The following ATP5MG variants were observed in gnomAD, a reference collection of about 807,000 sequenced individuals.
ATP5MG encodes ATP synthase membrane subunit g, also known as ATP synthase F(0) complex subunit g, mitochondrial.
ATP5MG carries 7 observed loss-of-function variants against 12.7 expected under a neutral mutation model. The ratio of observed to expected loss-of-function variants is 0.55; its 90% CI spans 0.31 to 1.04. ATP5MG has a LOEUF of 1.04. Among genes scored for constraint, ATP5MG ranks in the 50% least tolerant of loss-of-function variants. ATP5MG has a pLI of 0.05. For synonymous variants in ATP5MG, 53 were observed against 48.2 expected, an observed-to-expected ratio of 1.10 and a Z score of -0.41; for missense variants, 116 against 126.7, an observed-to-expected ratio of 0.92 and a Z score of 0.41.
At chr11:118,402,185 T>C (rs1357528155) in intron 1 of ATP5MG, among the ~76,000 whole-genome samples, 1 of 152,230 alleles carries the variant, frequency 6.6e-6, no homozygotes. Context: ...TGAGCTTTTT[T>C]GAACGTTGAC....
rs184499703 is a variant in ATP5MG, at chr11:118,401,647, G to T, written c.-19G>T. 1.2e-6 allele frequency: 2 copies of T among 1,614,078 alleles called. No homozygotes were observed. The highest frequency in any genetic ancestry group is 2.2e-5 in the East Asian group (1 of 44,886). On this transcript the variant is annotated 5_prime_UTR_variant, in exon 1 of 3. Transcript: ENST00000300688. Reference sequence around the variant, plus strand: ...ATTCAGCCGGCGGTTCGGGGCGACGGACTCTCCATTCCAGAACCATGGCCC... The same window carrying T: ...ATTCAGCCGGCGGTTCGGGGCGACGTACTCTCCATTCCAGAACCATGGCCC...
chr11:118,405,659 A>G, intron 1 of ATP5MG: 1 of 985,144 alleles, frequency 1.0e-6, no homozygotes, highest in Middle Eastern at 5.2e-4. Context: ...TCTTTCAGGC[A>G]TTGGCAGTTC....
chr11:118,407,074 A>G lies in ATP5MG; in HGVS notation c.190A>G (p.Ser64Gly). 6.2e-7 allele frequency: 1 copy of G among 1,614,156 alleles called. No homozygotes were observed. The highest frequency in any genetic ancestry group is 8.5e-7 in the Non-Finnish European group (1 of 1,180,030). ...AATAGTCAATAGTGCTCAGACTGGT[A>G]GCTTCAAACAGCTCACAGTTAAGGT... is the stretch of plus-strand genomic sequence containing the variant. ...KKIVNSAQTG[S>G]FKQLTVKEAV... Residue 64 changes from serine (S) to glycine (G), a missense_variant, in exon 2 of 3, where the codon AGC becomes GGC. Transcript: ENST00000300688.
chr11:118,404,793 G>T (rs1591316933), intron 1 of ATP5MG, among the ~76,000 whole-genome samples: 1 of 152,200 alleles, frequency 6.6e-6, no homozygotes, highest in Non-Finnish European at 1.5e-5. Context: ...ACAGTGGGGG[G>T]ATTCCATCCC....
chr11:118,407,325 C>A (rs1948981512), intron 2 of ATP5MG: 1 of 599,172 alleles, frequency 1.7e-6, no homozygotes, highest in Non-Finnish European at 2.6e-6. Flanking sequence ...TTAAACCTAG[C>A]AAAAAAGTGA....
At chr11:118,406,803 G>A (rs1210549887) in intron 1 of ATP5MG, 134 bp from the exon 2 acceptor site, 11 of 1,337,012 alleles carry the variant, frequency 8.2e-6, no homozygotes, top group African/African-American at 2.9e-5. Context: ...TTTTCACACC[G>A]GGTGCACATT....
chr11:118,405,155 G>A (rs1948961981), intron 1 of ATP5MG, among the ~76,000 whole-genome samples: 1 of 152,128 alleles, frequency 6.6e-6, no homozygotes, highest in Non-Finnish European at 1.5e-5. Flanking sequence ...TGCTGTTTAT[G>A]TTCCTTGCTA....
At chr11:118,402,195 C>A (rs1948933822) in intron 1 of ATP5MG, among the ~76,000 whole-genome samples, 1 of 152,116 alleles carries the variant, frequency 6.6e-6, no homozygotes. Flanking sequence ...TGAACGTTGA[C>A]TTTGCTTTCT....
At position 118,407,080 on chromosome 11, in the gene ATP5MG, A is replaced by G. The variant is rs1948979238; in HGVS notation, c.196A>G (p.Lys66Glu). 1.2e-6 allele frequency: 2 copies of G among 1,614,028 alleles called. No homozygotes were observed. Among genetic ancestry groups the G allele is most frequent in the Non-Finnish European group, 1.7e-6 (2 of 1,180,030 alleles). ...CAATAGTGCTCAGACTGGTAGCTTC[A>G]AACAGCTCACAGTTAAGGTAACCAC... The part of the protein sequence containing the change: ...IVNSAQTGSF[K>E]QLTVKEAVLN... The change falls in exon 2 of 3, where the codon AAA becomes GAA. Residue 66 changes from lysine to glutamate, a missense_variant. Transcript: ENST00000300688.
chr11:118,404,699 A>C (rs1289608843), intron 1 of ATP5MG, among the ~76,000 whole-genome samples: 1 of 152,206 alleles, frequency 6.6e-6, no homozygotes, highest in Non-Finnish European at 1.5e-5. Context: ...AGGTTCCTCT[A>C]CTGTAAAGTT....
intron 1 of ATP5MG, chr11:118,404,024 C>G (rs74962777): frequency 2.0e-5 from 3 of 152,068 alleles, no homozygotes; most frequent in Non-Finnish European, 2.9e-5. Context: ...ATGAACCCTT[C>G]CCTCCGTTGT....
rs1417996117 is a variant in ATP5MG at position 118,409,847 on chromosome 11, A to C, written c.*749A>C. 5 of 152,208 alleles carry C rather than the reference A, an allele frequency of 3.3e-5. No individual in the cohort carries two copies. The highest frequency in any genetic ancestry group is 5.9e-5 in the Non-Finnish European group (4 of 68,042). The allele number at this position is 152,208 out of a possible 1,614,324, so 9.4% of individuals were successfully genotyped here. A position where few individuals can be genotyped will look rare whatever the true frequency, so the allele number is the denominator to read the frequency against. On this transcript the variant is annotated 3_prime_UTR_variant, in exon 3 of 3. Transcript: ENST00000300688. Reference sequence around the variant, plus strand: ...CTGAAATAAATGAAATGATTGCTATAGTCTGTCTTCTGGAGCGATTTTATT... The same window carrying C: ...CTGAAATAAATGAAATGATTGCTATCGTCTGTCTTCTGGAGCGATTTTATT...
At chr11:118,407,944 C>T (rs1555132400) in intron 2 of ATP5MG, among the ~76,000 whole-genome samples, 3 of 152,084 alleles carry the variant, frequency 2.0e-5, no homozygotes, top group Admixed American at 6.6e-5. Flanking sequence ...GGGCAGATCA[C>T]GAGGTCAGGA....
At chr11:118,407,589 A>G (rs1231223473) in intron 2 of ATP5MG, 1 of 159,584 alleles carries the variant, frequency 6.3e-6, no homozygotes, top group Non-Finnish European at 1.4e-5. Context: ...ACTTGCAGCC[A>G]TACGCAGTCA....
Position 118,406,984 on chromosome 11 carries a change from G to C in ATP5MG, c.100G>C (p.Ala34Pro), listed in dbSNP as rs533476820. 2 of 1,613,350 alleles carry C rather than the reference G, an allele frequency of 1.2e-6. No individual in the cohort carries two copies. The highest frequency in any genetic ancestry group is 1.7e-5 in the Admixed American group (1 of 59,950). ...TCGATTGGCCACATTTTGGTACTAC[G>C]CCAAGGTTGAGCTGGTTCCTCCCAC... is the stretch of plus-strand genomic sequence containing the variant. The part of the protein sequence containing the change: ...KPRLATFWYY[A>P]KVELVPPTPA... Residue 34 changes from alanine (A) to proline (P), a missense_variant, in exon 2 of 3, where the codon GCC becomes CCC. Coordinates refer to ENST00000300688, the MANE Select transcript of ATP5MG (RefSeq NM_006476.5).
At chr11:118,404,033 G>A (rs1555131693) in intron 1 of ATP5MG, 3 of 152,132 alleles carry the variant, frequency 2.0e-5, no homozygotes, top group Non-Finnish European at 4.4e-5. Flanking sequence ...TCCCTCCGTT[G>A]TAAATAATTG....
chr11:118,407,794 C>G (rs1405342577), intron 2 of ATP5MG, among the ~76,000 whole-genome samples: 1 of 152,010 alleles, frequency 6.6e-6, no homozygotes, highest in South Asian at 2.1e-4. Context: ...ATCGCTTGAG[C>G]CCAGGAGTTA....
At position 118,409,085 on chromosome 11, in the gene ATP5MG, G is replaced by T; in HGVS notation, c.299G>T (p.Gly100Val). 1.2e-6 allele frequency: 2 copies of T among 1,606,784 alleles called. No individual in the cohort carries two copies. Among genetic ancestry groups the T allele is most frequent in the Non-Finnish European group, 1.7e-6 (2 of 1,176,102 alleles). Residue 100 changes from glycine (G) to valine (V), a missense_variant, in exon 3 of 3, where the codon GGC (glycine) becomes GTC (valine). By Grantham distance (109) the Gly-to-Val change is moderately radical. Coordinates refer to ENST00000300688, the MANE Select transcript of ATP5MG (RefSeq NM_006476.5). ...GEIIGKRGIIGYDV is the reference protein window; with the variant it reads ...GEIIGKRGIIVYDV ...ATTATAGGCAAGCGGGGCATCATTG[G>T]CTATGATGTTTGAAGACCAATCTTT... is the stretch of plus-strand genomic sequence containing the variant.
intron 1 of ATP5MG, chr11:118,402,015 CCT>C: frequency 7.6e-6 from 3 of 395,718 alleles, no homozygotes; most frequent in South Asian, 4.2e-5. Context: ...CATTACGCCC[CCT>C]GAGATCGCTA....
Sources: gnomAD v4.1 joint callset for allele counts (sites outside exome capture counted in the v4.1 genomes callset) on GRCh38, gnomAD v4.1.1 for gene constraint, MANE v1.5 for transcripts, NCBI Gene and HGNC (gene_info 2026-07-23, HGNC 2026-07-21) for gene names.